RPS6KC1: variants seen among roughly 807,000 people sequenced by gnomAD.
The protein encoded by RPS6KC1 is inactive ribosomal protein S6 kinase delta-1.
In RPS6KC1, 54 loss-of-function variants were observed where a neutral mutation model predicts 103.8. The ratio of observed to expected loss-of-function variants is 0.52; its 90% CI spans 0.42 to 0.65. The LOEUF is 0.65. RPS6KC1 is among the 30% of genes least tolerant of loss of function. RPS6KC1 has a pLI of 0.00. For missense variants in RPS6KC1, 1,151 were observed against 1,253.8 expected, an observed-to-expected ratio of 0.92 and a Z score of 1.24; for synonymous variants, 439 against 438.7, an observed-to-expected ratio of 1.00 and a Z score of -0.01.
the RPS6KC1 span, among the ~76,000 whole-genome samples, chr1:213,661,995 T>C: frequency 1.3e-5 from 2 of 152,180 alleles, no homozygotes; most frequent in Admixed American, 1.3e-4. Context: ...TTAATGTGGC[T>C]GGAACTGGAC....
chr1:213,155,611 C>A (rs988071859), intron 6 of RPS6KC1, among the ~76,000 whole-genome samples: 5 of 152,196 alleles, frequency 3.3e-5, no homozygotes, highest in African/African-American at 1.2e-4. Flanking sequence ...CTCTCTGCAC[C>A]ATGCTCCAGT....
At chr1:213,337,386 C>A in the RPS6KC1 span, among the ~76,000 whole-genome samples, 1 of 152,320 alleles carries the variant, frequency 6.6e-6, no homozygotes, top group Non-Finnish European at 1.5e-5. Flanking sequence ...TAGTTCTCTC[C>A]TCTGTAAATG....
chr1:213,465,213 G>C, the RPS6KC1 span, among the ~76,000 whole-genome samples: 4 of 152,146 alleles, frequency 2.6e-5, no homozygotes, highest in Admixed American at 6.5e-5. Context: ...TTTTGCAGGT[G>C]TTGCTCTAGG....
the RPS6KC1 span, among the ~76,000 whole-genome samples, chr1:213,627,774 C>T: frequency 1.9e-4 from 29 of 151,186 alleles, no homozygotes; most frequent in Non-Finnish European, 3.1e-4. Flanking sequence ...GCATGAAGCC[C>T]ACTTGATCAT....
chr1:213,340,440 T>G, the RPS6KC1 span, among the ~76,000 whole-genome samples: 1 of 152,140 alleles, frequency 6.6e-6, no homozygotes, highest in Non-Finnish European at 1.5e-5. Flanking sequence ...ACAAAAGAAG[T>G]GGTGTAACTA....
At chr1:213,645,969 C>T in the RPS6KC1 span, among the ~76,000 whole-genome samples, 1 of 152,204 alleles carries the variant, frequency 6.6e-6, no homozygotes, top group Non-Finnish European at 1.5e-5. Context: ...TCTTTGGAAA[C>T]AGTAGCCCTG....
At chr1:213,853,839 T>A in the RPS6KC1 span, among the ~76,000 whole-genome samples, 1 of 152,188 alleles carries the variant, frequency 6.6e-6, no homozygotes, top group African/African-American at 2.4e-5. Context: ...GAACACCACA[T>A]ATTGCCTTAA....
the RPS6KC1 span, among the ~76,000 whole-genome samples, chr1:213,456,763 C>T: frequency 6.6e-6 from 1 of 152,278 alleles, no homozygotes; most frequent in East Asian, 1.9e-4. Flanking sequence ...AAAAATCATG[C>T]AATAATTCCA....
At chr1:213,432,114 T>C in the RPS6KC1 span, among the ~76,000 whole-genome samples, 1 of 152,210 alleles carries the variant, frequency 6.6e-6, no homozygotes, top group Non-Finnish European at 1.5e-5. Context: ...ATTTTAGAAA[T>C]TGGGTTCTCT....
the RPS6KC1 span, among the ~76,000 whole-genome samples, chr1:213,785,901 T>G: frequency 6.6e-6 from 1 of 152,134 alleles, no homozygotes; most frequent in African/African-American, 2.4e-5. Flanking sequence ...TCAAAAAAAT[T>G]GAAGCTCTTA....
At chr1:213,744,483 G>C in the RPS6KC1 span, among the ~76,000 whole-genome samples, 1 of 152,128 alleles carries the variant, frequency 6.6e-6, no homozygotes, top group African/African-American at 2.4e-5. Context: ...CCCCCCATGG[G>C]CCTTTCTTAT....
chr1:213,350,489 G>A, the RPS6KC1 span, among the ~76,000 whole-genome samples: 1 of 152,084 alleles, frequency 6.6e-6, no homozygotes, highest in African/African-American at 2.4e-5. Context: ...GGGGTTTGGG[G>A]CACTGCCTCT....
chr1:213,402,169 G>A, the RPS6KC1 span, among the ~76,000 whole-genome samples: 4 of 152,270 alleles, frequency 2.6e-5, no homozygotes, highest in South Asian at 8.3e-4. Context: ...TGGCTCTTCA[G>A]ATCTTATGAC....
intron 1 of RPS6KC1, among the ~76,000 whole-genome samples, chr1:213,059,563 G>T (rs1228631450): frequency 1.3e-5 from 2 of 152,160 alleles, no homozygotes; most frequent in Non-Finnish European, 2.9e-5. Context: ...ATCCAGGCTG[G>T]AATGCAGTGG....
chr1:213,769,229 G>A, the RPS6KC1 span, among the ~76,000 whole-genome samples: 1 of 152,168 alleles, frequency 6.6e-6, no homozygotes, highest in African/African-American at 2.4e-5. Flanking sequence ...TGGGGGACAG[G>A]AATTTGGGGA....
At chr1:213,811,441 T>C in the RPS6KC1 span, among the ~76,000 whole-genome samples, 2 of 152,168 alleles carry the variant, frequency 1.3e-5, no homozygotes, top group Non-Finnish European at 2.9e-5. Context: ...TCAATGAATG[T>C]TCATCAAAAT....
the RPS6KC1 span, among the ~76,000 whole-genome samples, chr1:213,535,485 G>A: frequency 2.0e-5 from 3 of 152,114 alleles, no homozygotes; most frequent in Non-Finnish European, 4.4e-5. Context: ...GGGGCCCTGG[G>A]AGCCCCTCAG....
the RPS6KC1 span, among the ~76,000 whole-genome samples, chr1:213,383,208 G>A: frequency 1.3e-5 from 2 of 152,214 alleles, no homozygotes; most frequent in African/African-American, 4.8e-5. Flanking sequence ...TGGGGACCAG[G>A]TCTACCTGGT....
chr1:213,784,823 C>G, the RPS6KC1 span, among the ~76,000 whole-genome samples: 1 of 152,168 alleles, frequency 6.6e-6, no homozygotes, highest in African/African-American at 2.4e-5. Context: ...CTGCTTCCCC[C>G]CATTAAGTGA....
Sources: allele counts gnomAD v4.1 joint callset (sites outside exome capture counted in the v4.1 genomes callset), GRCh38; gene constraint gnomAD v4.1.1; transcripts MANE v1.5; gene names NCBI Gene and HGNC (gene_info 2026-07-23, HGNC 2026-07-21).